Variants in PDZRN4 observed in about 807,000 individuals in gnomAD.
PDZRN4 encodes PDZ domain-containing RING finger protein 4.
In PDZRN4, 70 loss-of-function variants were observed where a neutral mutation model predicts 99.0. The ratio of observed to expected loss-of-function variants is 0.71; its 90% CI spans 0.58 to 0.86. The LOEUF (loss-of-function observed/expected upper bound fraction) is 0.86, where lower values mean the gene tolerates loss of function less well. PDZRN4 is among the 40% of genes least tolerant of loss of function. The pLI is 0.00. For synonymous variants in PDZRN4, 551 were observed against 501.6 expected (o/e 1.10, Z -1.32); for missense variants, 1,474 against 1,331.2 (o/e 1.11, Z -1.67).
At chr12:41,338,421 A>AT (rs1343911973) in intron 3 of PDZRN4, among the ~76,000 whole-genome samples, 1 of 152,064 alleles carries the variant, frequency 6.6e-6, no homozygotes, top group Non-Finnish European at 1.5e-5. Flanking sequence ...TTATGGCCTT[A>AT]TTTTTCCATT....
chr12:41,450,045 T>TC (rs1474798255), intron 3 of PDZRN4, among the ~76,000 whole-genome samples: 20 of 151,888 alleles, frequency 1.3e-4, no homozygotes, highest in Non-Finnish European at 1.6e-4. Context: ...AATGAGAATT[T>TC]CTTCAACTGC....
chr12:41,335,978 G>C (rs1951770877), intron 3 of PDZRN4, among the ~76,000 whole-genome samples: 2 of 152,004 alleles, frequency 1.3e-5, no homozygotes, highest in Admixed American at 6.6e-5. Context: ...ACTCCTTTTA[G>C]GATAAGGCAT....
intron 3 of PDZRN4, among the ~76,000 whole-genome samples, chr12:41,219,776 A>G (rs1591972990): frequency 1.3e-5 from 2 of 152,162 alleles, no homozygotes; most frequent in East Asian, 1.9e-4. Flanking sequence ...CTTTAAATGC[A>G]TATCTCAAAG....
intron 3 of PDZRN4, among the ~76,000 whole-genome samples, chr12:41,458,874 G>C (rs1037560222): frequency 1.3e-5 from 2 of 152,176 alleles, no homozygotes; most frequent in African/African-American, 4.8e-5. Context: ...TTTCCATGAG[G>C]GGGTTAGGGA....
At chr12:41,533,284 C>T (rs1938694482) in intron 5 of PDZRN4, among the ~76,000 whole-genome samples, 1 of 151,908 alleles carries the variant, frequency 6.6e-6, no homozygotes. Context: ...AAGCAATTCT[C>T]CCGCCTCAGC....
intron 5 of PDZRN4, among the ~76,000 whole-genome samples, chr12:41,545,918 A>C (rs1035940824): frequency 6.6e-6 from 1 of 151,620 alleles, no homozygotes; most frequent in Non-Finnish European, 1.5e-5. Flanking sequence ...GGGAGAGCAG[A>C]AAGTTGAGGT....
chr12:41,304,916 A>G (rs1315783611), intron 3 of PDZRN4, among the ~76,000 whole-genome samples: 1 of 152,206 alleles, frequency 6.6e-6, no homozygotes, highest in Non-Finnish European at 1.5e-5. Flanking sequence ...AACATACTAC[A>G]TGGTTGGGTC....
intron 3 of PDZRN4, among the ~76,000 whole-genome samples, chr12:41,455,109 C>T (rs1952807583): frequency 6.6e-6 from 1 of 152,188 alleles, no homozygotes; most frequent in African/African-American, 2.4e-5. Context: ...TTGAAGTCTA[C>T]AGTTCAATTT....
intron 3 of PDZRN4, among the ~76,000 whole-genome samples, chr12:41,307,510 A>G (rs1951579144): frequency 6.6e-6 from 1 of 152,138 alleles, no homozygotes; most frequent in Non-Finnish European, 1.5e-5. Context: ...GAATACCATC[A>G]CACTGGAGAT....
intron 9 of PDZRN4, among the ~76,000 whole-genome samples, chr12:41,571,052 C>T (rs1011869538): frequency 1.3e-5 from 2 of 151,964 alleles, no homozygotes; most frequent in Non-Finnish European, 2.9e-5. Context: ...CCCGTTCTAT[C>T]CTTCTTTAGC....
At chr12:41,472,422 G>A (rs1953002710) in intron 3 of PDZRN4, among the ~76,000 whole-genome samples, 1 of 151,910 alleles carries the variant, frequency 6.6e-6, no homozygotes, top group East Asian at 1.9e-4. Context: ...ATTTTTGTTA[G>A]GACACATTTT....
rs7977542 is a variant in PDZRN4, at chr12:41,547,857, G to T, written c.1204-4799G>T. ...TAGGTCATTGATGACTTTTTAAGGG[G>T]ATTCACAGCCCACAGTGAGAAGCAG... On this transcript the variant is annotated intron_variant, in intron 5 of 9. Transcript: ENST00000402685. Among the ~76,000 whole-genome samples, 14 of 152,190 alleles carry T rather than the reference G, an allele frequency of 9.2e-5. No individual in the cohort carries two copies. In the East Asian group the frequency reaches 1.5e-3, roughly 17 times the overall value.
chr12:41,429,007 G>A (rs923164463), intron 3 of PDZRN4, among the ~76,000 whole-genome samples: 26 of 152,156 alleles, frequency 1.7e-4, no homozygotes, highest in African/African-American at 6.0e-4. Context: ...GAGAACGTGT[G>A]GAGAAACAGT....
At chr12:41,388,743 A>T (rs1397501575) in intron 3 of PDZRN4, among the ~76,000 whole-genome samples, 1 of 152,192 alleles carries the variant, frequency 6.6e-6, no homozygotes, top group Non-Finnish European at 1.5e-5. Context: ...AAAAGTCAAG[A>T]GTGTCTATAA....
Position 41,188,507 on chromosome 12 carries a change from T to G in PDZRN4, c.52T>G (p.Cys18Gly), listed in dbSNP as rs776287904. ...AGAAGCCGTGGACCCGGCTCTGGAG[T>G]GCAAACTGTGCGGCCAGGTGCTTGA... ...FAEAVDPALE[C>G]KLCGQVLEEP... The change falls in exon 1 of 10, where the codon TGC becomes GGC. Residue 18 changes from cysteine (C) to glycine (G), a missense_variant. By Grantham distance (159) the Cys-to-Gly change is radical. Coordinates refer to ENST00000402685, the MANE Select transcript of PDZRN4 (RefSeq NM_001164595.2). 1 of 1,589,566 alleles carries G rather than the reference T, an allele frequency of 6.3e-7. No individual in the cohort carries two copies. The highest frequency in any genetic ancestry group is 8.5e-7 in the Non-Finnish European group (1 of 1,176,012).
intron 3 of PDZRN4, among the ~76,000 whole-genome samples, chr12:41,458,154 T>A (rs1252814829): frequency 6.6e-6 from 1 of 152,156 alleles, no homozygotes; most frequent in Non-Finnish European, 1.5e-5. Flanking sequence ...GGAGAGTGAC[T>A]TTTTTTGTGT....
chr12:41,197,920 G>GTTTTTTTTTTTTTTTGTTTTTT (rs533696414), intron 3 of PDZRN4, among the ~76,000 whole-genome samples: 2 of 115,602 alleles, frequency 1.7e-5, no homozygotes, highest in African/African-American at 3.3e-5. Flanking sequence ...TTTTTTCTGG[G>GTTTTTTTTTTTTTTTGTTTTTT]TTTTTTTTTT....
intron 7 of PDZRN4, 81 bp from the exon 8 acceptor site, chr12:41,563,467 T>TAA: frequency 9.9e-7 from 1 of 1,014,504 alleles, no homozygotes; most frequent in African/African-American, 1.6e-5. Flanking sequence ...ACATTTACCA[T>TAA]AAATGAGCTG....
intron 3 of PDZRN4, among the ~76,000 whole-genome samples, chr12:41,363,475 A>G (rs1217650138): frequency 6.6e-6 from 1 of 152,084 alleles, no homozygotes; most frequent in Non-Finnish European, 1.5e-5. Context: ...TTCAAGTTGC[A>G]TTTGTTCAGG....
Sources: gnomAD v4.1 joint callset for allele counts (sites outside exome capture counted in the v4.1 genomes callset) on GRCh38, gnomAD v4.1.1 for gene constraint, MANE v1.5 for transcripts, NCBI Gene and HGNC (gene_info 2026-07-23, HGNC 2026-07-21) for gene names.